The following SLC19A3 variants were observed in gnomAD, a reference collection of about 807,000 sequenced individuals.
The protein encoded by SLC19A3 is solute carrier family 19 member 3, also known as thiamine transporter 2.
Under a neutral mutation model 40.2 loss-of-function variants are expected in SLC19A3, and 31 were observed. The observed-to-expected ratio is 0.77, with a 90% CI of 0.58 to 1.04. The LOEUF is 1.04. Among genes scored for constraint, SLC19A3 ranks in the 50% least tolerant of loss-of-function variants. SLC19A3 has a pLI of 0.00. For synonymous variants in SLC19A3, 212 were observed against 227.5 expected (o/e 0.93, Z 0.61); for missense variants, 592 against 596.7 (o/e 0.99, Z 0.08).
In SLC19A3 at chr2:227,687,365, T is replaced by C. The variant is rs749248666; in HGVS notation, c.*32A>G. On this transcript the variant is annotated 3_prime_UTR_variant, in exon 6 of 6. Coordinates refer to ENST00000644224, the MANE Select transcript of SLC19A3 (RefSeq NM_025243.4). The stretch of plus-strand genomic sequence containing the variant: ...ATCTTTCCTTATTATTGCATAACTT[T>C]GAAAGCCACTGTTGCGTTTGTTGCG... 3 of 1,575,986 alleles carry C rather than the reference T, an allele frequency of 1.9e-6. No homozygotes were observed. Among genetic ancestry groups the C allele is most frequent in the Non-Finnish European group, 2.6e-6 (3 of 1,159,900 alleles).
In SLC19A3 at chr2:227,699,523, C is replaced by CT. The variant is rs767832070; in HGVS notation, c.191_192insA (p.Val65GlyfsTer160). The CT allele has an allele frequency of 1.9e-6, 3 of 1,614,120 alleles. No homozygotes were observed. In the South Asian group the frequency reaches 3.3e-5, roughly 18 times the overall value. ...GGACAAACACAGGCAGCAGCAGCAC[C>CT]AGGTAGGAGTATGTCCAAACGGGGA... On this transcript the variant is annotated frameshift_variant, in exon 3 of 6. Coordinates refer to ENST00000644224, the MANE Select transcript of SLC19A3 (RefSeq NM_025243.4). LOFTEE classifies it high-confidence loss of function.
Position 227,699,211 on chromosome 2 carries a change from C to T in SLC19A3, c.504G>A (p.Ser168=), listed in dbSNP as rs751753772. The part of the protein sequence containing the change: ...AQLLVSLANM[S]YFYLNVISLA... ...AGGATATGACGTTGAGGTAAAAGTA[C>T]GACATGTTCGCCAGGGATACCAAGA... The change falls in exon 3 of 6, where the codon TCG becomes TCA. Residue 168 remains serine, a synonymous_variant. Transcript: ENST00000644224. The T allele has an allele frequency of 2.0e-5, 32 of 1,613,972 alleles. No individual in the cohort carries two copies. The South Asian group carries it at 3.2e-4, about 16-fold the overall frequency.
At position 227,687,161 on chromosome 2, in the gene SLC19A3, G is replaced by C. The variant is rs567092282; in HGVS notation, c.*236C>G. On this transcript the variant is annotated 3_prime_UTR_variant, in exon 6 of 6. Coordinates refer to ENST00000644224, the MANE Select transcript of SLC19A3 (RefSeq NM_025243.4). ...TTTCCAGCTGCTACTAGTCACAGGG[G>C]GTCCCCAATATGGGTTGTTTAATTA... 1 of 419,664 alleles carries C rather than the reference G, an allele frequency of 2.4e-6. No homozygotes were observed. Among genetic ancestry groups the C allele is most frequent in the African/African-American group, 2.0e-5 (1 of 49,730 alleles). 26.0% of individuals were successfully genotyped at this position (419,664 alleles called of 1,614,324 possible).
intron 4 of SLC19A3, among the ~76,000 whole-genome samples, chr2:227,688,651 C>T (rs1313851842): frequency 6.6e-6 from 1 of 152,052 alleles, no homozygotes; most frequent in Non-Finnish European, 1.5e-5. Flanking sequence ...AGCCTTCCCA[C>T]GGAGGACAGG....
intron 4 of SLC19A3, among the ~76,000 whole-genome samples, chr2:227,691,152 A>T (rs998217290): frequency 2.0e-5 from 3 of 152,246 alleles, no homozygotes; most frequent in Non-Finnish European, 4.4e-5. Flanking sequence ...TGGAAATTAA[A>T]CAATATGCCC....
At chr2:227,713,614 CCA>C (rs1696223739) in intron 1 of SLC19A3, among the ~76,000 whole-genome samples, 1 of 152,032 alleles carries the variant, frequency 6.6e-6, no homozygotes, top group Admixed American at 6.6e-5. Flanking sequence ...GATACCTGCG[CCA>C]CCTTGGGATT....
At chr2:227,711,422 A>AAAAAAAAATAAAAT (rs1553575206) in intron 1 of SLC19A3, among the ~76,000 whole-genome samples, 2 of 143,658 alleles carry the variant, frequency 1.4e-5, no homozygotes, top group African/African-American at 5.1e-5. Context: ...TCTGTCTCAA[A>AAAAAAAAATAAAAT]AAAATAAAAT....
At chr2:227,705,436 TA>T (rs34060996) in intron 1 of SLC19A3, among the ~76,000 whole-genome samples, 3,240 of 140,706 alleles carry the variant, frequency 0.023, 95 homozygotes, top group African/African-American at 0.071. Flanking sequence ...CCCTATCTCT[TA>T]AAAAAAAAAA....
Position 227,687,427 on chromosome 2 carries a change from C to G in SLC19A3, c.1461G>C (p.Glu487Asp). The part of the protein sequence containing the change: ...ENPDVSHPEE[E>D]SNIIMSTKL ...GTTTTGTTGACATGATGATATTACT[C>G]TCTTCCTCTGGGTGAGACACATCTG... The change falls in exon 6 of 6, where the codon GAG (glutamate) becomes GAC (aspartate). Residue 487 changes from glutamate (E) to aspartate (D), a missense_variant. By Grantham distance (45) the Glu-to-Asp change is conservative. Transcript: ENST00000644224. The G allele has an allele frequency of 6.2e-7, 1 of 1,613,470 alleles. No homozygotes were observed. Among genetic ancestry groups the G allele is most frequent in the South Asian group, 1.1e-5 (1 of 90,990 alleles).
chr2:227,696,727 G>C (rs1357957850), intron 3 of SLC19A3, among the ~76,000 whole-genome samples: 1 of 152,188 alleles, frequency 6.6e-6, no homozygotes, highest in Non-Finnish European at 1.5e-5. Context: ...ATAATTGACA[G>C]TAATTAGGGT....
chr2:227,709,252 C>T (rs755883426), intron 1 of SLC19A3, among the ~76,000 whole-genome samples: 13 of 152,048 alleles, frequency 8.5e-5, no homozygotes, highest in African/African-American at 2.4e-4. Flanking sequence ...GAGGCTGAGG[C>T]GGGTGGATGA....
chr2:227,714,904 C>T (rs1696280662), intron 1 of SLC19A3, among the ~76,000 whole-genome samples: 1 of 148,572 alleles, frequency 6.7e-6, no homozygotes, highest in African/African-American at 2.5e-5. Flanking sequence ...ACCGCAACCA[C>T]TGCCTCCTGG....
Position 227,698,922 on chromosome 2 carries a change from A to G in SLC19A3, c.793T>C (p.Trp265Arg). ...SNVTVDVFVQWFQDLKECYSS... is the reference protein window; with the variant it reads ...SNVTVDVFVQRFQDLKECYSS... ...TAGCACTCCTTCAAATCTTGGAACCACTGCACAAAAACGTCCACAGTCACA... is the reference window on the plus strand; with the variant it reads ...TAGCACTCCTTCAAATCTTGGAACCGCTGCACAAAAACGTCCACAGTCACA... The change falls in exon 3 of 6, where the codon TGG (tryptophan) becomes CGG (arginine). Residue 265 changes from tryptophan to arginine, a missense_variant. Transcript: ENST00000644224. The G allele has an allele frequency of 2.5e-6, 4 of 1,614,092 alleles. No homozygotes were observed. The highest frequency in any genetic ancestry group is 3.4e-6 in the Non-Finnish European group (4 of 1,179,970).
intron 1 of SLC19A3, among the ~76,000 whole-genome samples, chr2:227,713,398 T>C (rs1409444348): frequency 1.4e-5 from 1 of 73,996 alleles, no homozygotes; most frequent in Non-Finnish European, 2.9e-5. Context: ...TGAGACCCTG[T>C]TGTAAAAAAA....
intron 1 of SLC19A3, among the ~76,000 whole-genome samples, chr2:227,708,232 A>G (rs1374014978): frequency 6.6e-6 from 1 of 152,092 alleles, no homozygotes; most frequent in African/African-American, 2.4e-5. Context: ...TATTTTGACT[A>G]TGAATGAATT....
intron 1 of SLC19A3, among the ~76,000 whole-genome samples, chr2:227,713,690 T>A (rs1367725493): frequency 6.6e-6 from 1 of 151,796 alleles, no homozygotes; most frequent in Non-Finnish European, 1.5e-5. Context: ...TCCATAACTG[T>A]AAGAAATAAA....
At chr2:227,701,419 C>T (rs1271204123) in intron 2 of SLC19A3, among the ~76,000 whole-genome samples, 2 of 151,990 alleles carry the variant, frequency 1.3e-5, no homozygotes, top group African/African-American at 2.4e-5. Context: ...GCCAGAAGTT[C>T]GAGACCAGCC....
At chr2:227,688,624 C>G (rs1695109729) in intron 4 of SLC19A3, among the ~76,000 whole-genome samples, 1 of 152,134 alleles carries the variant, frequency 6.6e-6, no homozygotes, top group South Asian at 2.1e-4. Context: ...CACCCAAATC[C>G]TTCTGAATAC....
chr2:227,695,945 G>C lies in SLC19A3; in HGVS notation c.1116C>G (p.Cys372Trp), dbSNP rs201899804. 4 of 1,614,134 alleles carry C rather than the reference G, an allele frequency of 2.5e-6. No individual in the cohort carries two copies. Among genetic ancestry groups the C allele is most frequent in the Non-Finnish European group, 3.4e-6 (4 of 1,180,034 alleles). ...LMHYTANIWA[C>W]YAGYLIFKSS... Reference sequence around the variant, plus strand: ...ACTTGAATATCAAATAGCCAGCATAGCACGCCCAGATATTGGCTGTGTAAT... The same window carrying C: ...ACTTGAATATCAAATAGCCAGCATACCACGCCCAGATATTGGCTGTGTAAT... The change falls in exon 4 of 6, where the codon TGC becomes TGG. Residue 372 changes from cysteine (C) to tryptophan (W), a missense_variant. Transcript: ENST00000644224.
Sources: allele counts gnomAD v4.1 joint callset (sites outside exome capture counted in the v4.1 genomes callset), GRCh38; gene constraint gnomAD v4.1.1; transcripts MANE v1.5; gene names NCBI Gene and HGNC (gene_info 2026-07-23, HGNC 2026-07-21).